The following RABGAP1L variants were observed in gnomAD, a reference collection of about 807,000 sequenced individuals.
RABGAP1L encodes the protein rab GTPase-activating protein 1-like.
Under a neutral mutation model 137.7 loss-of-function variants are expected in RABGAP1L, and 63 were observed. The observed-to-expected ratio is 0.46, with a 90% confidence interval of 0.37 to 0.56. RABGAP1L has a LOEUF of 0.56. RABGAP1L is among the 20% of genes least tolerant of loss of function. RABGAP1L has a pLI of 0.00. For missense variants in RABGAP1L, 1,095 were observed against 1,244.0 expected, an observed-to-expected ratio of 0.88 and a Z score of 1.80; for synonymous variants, 431 against 433.7, an observed-to-expected ratio of 0.99 and a Z score of 0.08.
intron 10 of RABGAP1L, among the ~76,000 whole-genome samples, chr1:174,301,627 A>G (rs905794837): frequency 3.9e-5 from 6 of 152,006 alleles, no homozygotes; most frequent in African/African-American, 1.4e-4. Flanking sequence ...TAATTGAGCA[A>G]TGAAACAGAT....
At chr1:174,471,706 T>G (rs1278570611) in intron 13 of RABGAP1L, among the ~76,000 whole-genome samples, 1 of 152,196 alleles carries the variant, frequency 6.6e-6, no homozygotes, top group Non-Finnish European at 1.5e-5. Context: ...AATGATTGCA[T>G]TCTCTTAGGA....
chr1:174,455,499 G>A (rs974452558), intron 13 of RABGAP1L, among the ~76,000 whole-genome samples: 1 of 152,146 alleles, frequency 6.6e-6, no homozygotes, highest in Non-Finnish European at 1.5e-5. Context: ...TGAATAAAAT[G>A]TGGACTGTAG....
intron 18 of RABGAP1L, among the ~76,000 whole-genome samples, chr1:174,803,375 G>A (rs1345283023): frequency 6.6e-6 from 1 of 152,160 alleles, no homozygotes; most frequent in South Asian, 2.1e-4. Context: ...AATTCTATGT[G>A]TACATTCACC....
chr1:174,877,377 C>G, intron 19 of RABGAP1L: 1 of 1,509,244 alleles, frequency 6.6e-7, no homozygotes, highest in Non-Finnish European at 8.9e-7. Flanking sequence ...TGACACTCCA[C>G]CCCCTCGAAC....
chr1:174,231,941 C>T (rs928934526), intron 4 of RABGAP1L, among the ~76,000 whole-genome samples: 12 of 152,168 alleles, frequency 7.9e-5, no homozygotes, highest in African/African-American at 2.7e-4. Context: ...GAGATTTAGA[C>T]GGAGCCGCAG....
chr1:174,544,591 T>G (rs1665826867), intron 13 of RABGAP1L, among the ~76,000 whole-genome samples: 1 of 152,236 alleles, frequency 6.6e-6, no homozygotes, highest in Non-Finnish European at 1.5e-5. Flanking sequence ...ATCTGAAGTC[T>G]TCTTCTCTCA....
intron 11 of RABGAP1L, among the ~76,000 whole-genome samples, chr1:174,363,216 G>T (rs114976727): frequency 0.011 from 1,732 of 152,280 alleles, 35 homozygotes; most frequent in African/African-American, 0.037. Context: ...AATGTAGCAT[G>T]ATGTCTCCAG....
At chr1:174,458,159 C>T (rs371286882) in intron 13 of RABGAP1L, among the ~76,000 whole-genome samples, 18 of 152,086 alleles carry the variant, frequency 1.2e-4, no homozygotes, top group Admixed American at 1.3e-4. Flanking sequence ...AATTACAGTC[C>T]GCTGACTATT....
intron 1 of RABGAP1L, among the ~76,000 whole-genome samples, chr1:174,172,153 T>C (rs1409990121): frequency 6.6e-6 from 1 of 151,138 alleles, no homozygotes; most frequent in Non-Finnish European, 1.5e-5. Context: ...CTTTTTTTTT[T>C]TTTAAGGCTG....
intron 13 of RABGAP1L, among the ~76,000 whole-genome samples, chr1:174,540,116 C>G (rs946793466): frequency 6.6e-5 from 10 of 152,106 alleles, no homozygotes; most frequent in African/African-American, 2.2e-4. Flanking sequence ...TGTTCATATC[C>G]TTTGCCCACT....
chr1:174,757,852 C>T (rs566940435), intron 18 of RABGAP1L, among the ~76,000 whole-genome samples: 77 of 151,848 alleles, frequency 5.1e-4, no homozygotes, highest in Middle Eastern at 3.4e-3. Context: ...GACGAAACCC[C>T]GTCTCTACTA....
intron 13 of RABGAP1L, among the ~76,000 whole-genome samples, chr1:174,412,538 T>C (rs574490012): frequency 1.3e-5 from 2 of 152,238 alleles, no homozygotes; most frequent in African/African-American, 4.8e-5. Context: ...TTCTATTGTG[T>C]TGTTTCCTGA....
At chr1:174,799,082 G>A (rs928923392) in intron 18 of RABGAP1L, among the ~76,000 whole-genome samples, 1 of 152,118 alleles carries the variant, frequency 6.6e-6, no homozygotes, top group East Asian at 1.9e-4. Flanking sequence ...TGTTTATCAA[G>A]GTCTGTGGCA....
At chr1:174,161,309 C>T (rs907496346) in intron 1 of RABGAP1L, among the ~76,000 whole-genome samples, 1 of 151,846 alleles carries the variant, frequency 6.6e-6, no homozygotes, top group Non-Finnish European at 1.5e-5. Context: ...ACAGCGCGAT[C>T]TCGGCTCACC....
At chr1:174,447,076 T>G (rs1481265305) in intron 13 of RABGAP1L, among the ~76,000 whole-genome samples, 1 of 152,184 alleles carries the variant, frequency 6.6e-6, no homozygotes, top group East Asian at 1.9e-4. Context: ...AGGTGGTATA[T>G]GAAATAACAA....
At chr1:174,171,868 G>A (rs1418437573) in intron 1 of RABGAP1L, among the ~76,000 whole-genome samples, 2 of 152,084 alleles carry the variant, frequency 1.3e-5, no homozygotes, top group Non-Finnish European at 2.9e-5. Context: ...AGGCATGGTG[G>A]CATGTGCCTG....
rs1005339215 is a variant in RABGAP1L, at chr1:174,581,391, G to A, written c.1711-55984G>A. ...ATGAAGCATTGATGTATGCTACAAC[G>A]TGGATGTACCTTGGAAAGATGCTAA... On this transcript the variant is annotated intron_variant, in intron 13 of 25. Transcript: ENST00000681986. 3.3e-5 allele frequency among the ~76,000 whole-genome samples: 5 copies of A among 152,194 alleles called. No homozygotes were observed. In the South Asian group the frequency reaches 6.2e-4, roughly 19 times the overall value.
chr1:174,449,134 T>C, intron 13 of RABGAP1L: 1 of 1,612,474 alleles, frequency 6.2e-7, no homozygotes, highest in Non-Finnish European at 8.5e-7. Context: ...CCTGTATGTG[T>C]GTGAAGGATC....
intron 11 of RABGAP1L, among the ~76,000 whole-genome samples, chr1:174,354,913 A>G (rs565375811): frequency 6.6e-6 from 1 of 152,376 alleles, no homozygotes; most frequent in African/African-American, 2.4e-5. Context: ...TTTATTAAAT[A>G]GGGACTCCTT....
Sources: allele counts gnomAD v4.1 joint callset (sites outside exome capture counted in the v4.1 genomes callset), GRCh38; gene constraint gnomAD v4.1.1; transcripts MANE v1.5; gene names NCBI Gene and HGNC (gene_info 2026-07-23, HGNC 2026-07-21).